DMD: variants seen among roughly 807,000 people sequenced by gnomAD.
DMD encodes the protein dystrophin, also known as mutant dystrophin.
In DMD, 63 loss-of-function variants were observed where a neutral mutation model predicts 330.1. That is an observed-to-expected ratio of 0.19 (90% CI 0.16 to 0.24). The LOEUF is 0.24. DMD is among the 10% of genes least tolerant of loss of function. The pLI is 1.00. For synonymous variants in DMD, 1,223 were observed against 959.8 expected (o/e 1.27, Z -5.07); for missense variants, 3,344 against 2,684.1 (o/e 1.25, Z -5.43).
chrX:33,117,465 T>C (rs139126434), intron 1 of DMD, among the ~76,000 whole-genome samples: 455 of 111,885 alleles, frequency 4.1e-3, no homozygotes, highest in African/African-American at 0.014. Context: ...AATCATCATA[T>C]TGTACACCTT....
chrX:32,484,253 G>A lies in DMD; in HGVS notation c.2803+666C>T, dbSNP rs754131101. 2.7e-3 allele frequency among the ~76,000 whole-genome samples: 305 copies of A among 111,870 alleles called. 3 individuals are homozygous for A. The highest frequency in any genetic ancestry group is 4.6e-3 in the Non-Finnish European group (244 of 52,992). On this transcript the variant is annotated intron_variant, in intron 21 of 78. Transcript: ENST00000357033. ...AAAAGAATTTTTGTCTTAAAACTAA[G>A]TTGATGAGTAGAGATATTTTGGAGC... is the stretch of plus-strand genomic sequence containing the variant.
chrX:31,948,488 T>C (rs2095118041), intron 45 of DMD, among the ~76,000 whole-genome samples: 1 of 111,202 alleles, frequency 9.0e-6, no homozygotes, highest in African/African-American at 3.3e-5. Flanking sequence ...TTACCACCTA[T>C]GGTGTACTAG....
rs189231586 is a variant in DMD at position 32,481,821 on chromosome X, G to A, written c.2803+3098C>T. On this transcript the variant is annotated intron_variant, in intron 21 of 78. Coordinates refer to ENST00000357033, the MANE Select transcript of DMD (RefSeq NM_004006.3). Reference sequence around the variant, plus strand: ...TCAATAAGCTCCATGAAGACATATTGCTCTTGATTTTCTCCACCATGTATA... The same window carrying A: ...TCAATAAGCTCCATGAAGACATATTACTCTTGATTTTCTCCACCATGTATA... 3.5e-3 allele frequency among the ~76,000 whole-genome samples: 391 copies of A among 111,754 alleles called. 2 individuals carry two copies. The highest frequency in any genetic ancestry group is 0.012 in the African/African-American group (373 of 30,847).
At chrX:32,798,533 C>G (rs918171661) in intron 7 of DMD, among the ~76,000 whole-genome samples, 1 of 112,273 alleles carries the variant, frequency 8.9e-6, no homozygotes, top group Non-Finnish European at 1.9e-5. Context: ...ATATAATCAT[C>G]TGTATCATAC....
At chrX:31,500,272 A>G (rs1391617798) in intron 56 of DMD, among the ~76,000 whole-genome samples, 1 of 112,399 alleles carries the variant, frequency 8.9e-6, no homozygotes, top group Non-Finnish European at 1.9e-5. Context: ...TGAGATTGCT[A>G]GGTGCCACCT....
chrX:31,449,400 CCTGA>C (rs1404907776), intron 59 of DMD, among the ~76,000 whole-genome samples: 1 of 111,028 alleles, frequency 9.0e-6, no homozygotes, highest in Non-Finnish European at 1.9e-5. Context: ...AACCAATCTG[CCTGA>C]CTTTCTCATT....
chrX:33,002,643 T>A (rs1424420303), intron 2 of DMD, among the ~76,000 whole-genome samples: 1 of 110,012 alleles, frequency 9.1e-6, no homozygotes, highest in Non-Finnish European at 1.9e-5. Context: ...TCAGTCTGAT[T>A]GGTTGGGAAC....
intron 7 of DMD, among the ~76,000 whole-genome samples, chrX:32,707,355 G>A (rs752820368): frequency 1.1e-3 from 119 of 111,682 alleles, no homozygotes; most frequent in African/African-American, 3.6e-3. Flanking sequence ...AGCCCTCTTC[G>A]CTGGGATAGT....
At chrX:32,219,028 C>G (rs2097123558) in intron 43 of DMD, among the ~76,000 whole-genome samples, 1 of 111,793 alleles carries the variant, frequency 8.9e-6, no homozygotes, top group Non-Finnish European at 1.9e-5. Flanking sequence ...TAATTATATG[C>G]TTAACCTTTA....
At chrX:31,382,762 T>C (rs1427035685) in intron 60 of DMD, among the ~76,000 whole-genome samples, 2 of 111,141 alleles carry the variant, frequency 1.8e-5, no homozygotes, top group Non-Finnish European at 3.8e-5. Context: ...GCTTAATCCC[T>C]CCCACTCTAG....
intron 11 of DMD, among the ~76,000 whole-genome samples, chrX:32,633,517 G>A (rs1331269756): frequency 1.8e-5 from 2 of 111,719 alleles, no homozygotes; most frequent in African/African-American, 6.5e-5. Context: ...TCCAACTTCT[G>A]TCTGTTACCC....
At chrX:32,796,922 T>G (rs1362665059) in intron 7 of DMD, among the ~76,000 whole-genome samples, 2 of 112,221 alleles carry the variant, frequency 1.8e-5, no homozygotes, top group Non-Finnish European at 3.8e-5. Flanking sequence ...TAGTTCATCA[T>G]TATTTTACCC....
Position 31,705,491 on chromosome X carries a change from A to G in DMD, c.7660+24140T>C, listed in dbSNP as rs556910915. ...AAAAAGATGAAACTAATGGACTGTG[A>G]CCACTGCTTTTCAGCAAAGTACACC... is the stretch of plus-strand genomic sequence containing the variant. On this transcript the variant is annotated intron_variant, in intron 52 of 78. Transcript: ENST00000357033. Among the ~76,000 whole-genome samples the G allele has an allele frequency of 4.4e-5, 5 of 113,024 alleles. No homozygotes were observed. In the East Asian group the frequency reaches 1.4e-3, roughly 32 times the overall value.
rs1250411809 is a variant in DMD at position 32,364,681 on chromosome X, G to A, written c.5055C>T (p.Asp1685=). ...LEYQKHMETF[D]QNVDHITKWI... ...ACTTTGTGATGTGGTCCACATTCTG[G>A]TCAAAAGTTTCCATGTGTTTCTGGT... is the stretch of plus-strand genomic sequence containing the variant. The change falls in exon 36 of 79, where the codon GAC becomes GAT. Residue 1685 remains aspartate, a synonymous_variant. Coordinates refer to ENST00000357033, the MANE Select transcript of DMD (RefSeq NM_004006.3). 8.3e-7 allele frequency: 1 copy of A among 1,209,398 alleles called. No individual in the cohort carries two copies. Among genetic ancestry groups the A allele is most frequent in the South Asian group, 1.8e-5 (1 of 56,929 alleles).
intron 44 of DMD, among the ~76,000 whole-genome samples, chrX:32,198,350 C>T (rs1483770960): frequency 2.7e-5 from 3 of 111,333 alleles, no homozygotes; most frequent in East Asian, 2.8e-4. Context: ...ATAATGGTAG[C>T]GTTGTTTTCT....
chrX:33,305,713 T>C (rs189600871), intron 1 of DMD, among the ~76,000 whole-genome samples: 36 of 111,249 alleles, frequency 3.2e-4, no homozygotes, highest in Admixed American at 9.6e-4. Flanking sequence ...TTCAAGAGTA[T>C]TCTCTTATCA....
intron 2 of DMD, among the ~76,000 whole-genome samples, chrX:32,938,197 T>C (rs1269959122): frequency 9.0e-6 from 1 of 111,647 alleles, no homozygotes; most frequent in East Asian, 2.8e-4. Context: ...GTAATTTACA[T>C]TTTTTAAAGG....
chrX:32,160,814 T>C (rs2096846872), intron 44 of DMD, among the ~76,000 whole-genome samples: 1 of 111,684 alleles, frequency 9.0e-6, no homozygotes, highest in Non-Finnish European at 1.9e-5. Context: ...CCAATCAATA[T>C]TGTTTTTTGT....
intron 44 of DMD, among the ~76,000 whole-genome samples, chrX:32,157,316 C>T (rs1157941772): frequency 8.9e-6 from 1 of 111,917 alleles, no homozygotes; most frequent in Non-Finnish European, 1.9e-5. Context: ...GCAGCCTCAC[C>T]ACATATATCT....
Sources: gnomAD v4.1 joint callset for allele counts (sites outside exome capture counted in the v4.1 genomes callset) on GRCh38, gnomAD v4.1.1 for gene constraint, MANE v1.5 for transcripts, NCBI Gene and HGNC (gene_info 2026-07-23, HGNC 2026-07-21) for gene names.